The following CYP27C1 variants were observed in gnomAD, a reference collection of about 807,000 sequenced individuals.
CYP27C1 encodes cytochrome P450 family 27 subfamily C member 1, also known as cytochrome P450 27C1.
CYP27C1 carries 29 observed loss-of-function variants against 40.6 expected under a neutral mutation model. The ratio of observed to expected loss-of-function variants is 0.71; its 90% CI spans 0.53 to 0.97. The LOEUF is 0.97. Ranked by LOEUF, CYP27C1 falls within the 50% of genes least tolerant of loss-of-function variation. The probability of loss-of-function intolerance (pLI) is 0.00; values close to 1 mark genes in which losing one functional copy is unlikely to be tolerated. For missense variants in CYP27C1, 390 were observed against 485.8 expected (o/e 0.80, Z 1.85); for synonymous variants, 198 against 186.8 (o/e 1.06, Z -0.49).
intron 1 of CYP27C1, among the ~76,000 whole-genome samples, chr2:127,210,843 C>T (rs1683322405): frequency 6.6e-6 from 1 of 152,170 alleles, no homozygotes. Context: ...GCACCCAATA[C>T]AGAAGCACCC....
rs1336827282 is a variant in CYP27C1, at chr2:127,204,485, A to AAAGAAAGGAAGGAAGG, written c.474-915_474-914insCCTTCCTTCCTTTCTT. On this transcript the variant is annotated intron_variant, in intron 2 of 8. Coordinates refer to ENST00000664447, the MANE Select transcript of CYP27C1 (RefSeq NM_001367502.1). ...GAAAGAAAGAAAGAAAGAAAGAAAG[A>AAAGAAAGGAAGGAAGG]AAGGAAGGAAGGAAGGAAGGAAAGA... 4.3e-4 allele frequency among the ~76,000 whole-genome samples: 26 copies of AAAGAAAGGAAGGAAGG among 60,208 alleles called. 1 individual carries two copies. Among genetic ancestry groups the AAAGAAAGGAAGGAAGG allele is most frequent in the African/African-American group, 1.6e-3 (24 of 14,754 alleles). 39.5% of individuals were successfully genotyped at this position (60,208 alleles called of 152,430 possible).
intron 2 of CYP27C1, among the ~76,000 whole-genome samples, chr2:127,204,272 A>AAAAG: frequency 7.9e-6 from 1 of 127,386 alleles, no homozygotes; most frequent in Non-Finnish European, 1.6e-5. Flanking sequence ...TCTCAAAAAA[A>AAAAG]AAAGAAAGAA....
Position 127,195,318 on chromosome 2 carries a change from T to G in CYP27C1, c.1214+17A>C. 1 of 1,613,980 alleles carries G rather than the reference T, an allele frequency of 6.2e-7. No homozygotes were observed. The highest frequency in any genetic ancestry group is 1.7e-4 in the Middle Eastern group (1 of 6,020). The stretch of plus-strand genomic sequence containing the variant: ...TAAGGGACACAGTTTGTTGACGGAT[T>G]CTGGCGAGCCTTTTACCTCAGGGTT... On this transcript the variant is annotated intron_variant, in intron 6 of 8. Coordinates refer to ENST00000664447, the MANE Select transcript of CYP27C1 (RefSeq NM_001367502.1). The surrounding 1 kb of genome is among the most constrained non-coding windows in gnomAD (Gnocchi z 6.2).
rs1272583126 is a variant in CYP27C1, at chr2:127,186,683, G to A, written c.*588C>T. The A allele has an allele frequency of 2.0e-5, 3 of 152,298 alleles. No individual in the cohort carries two copies. Among genetic ancestry groups the A allele is most frequent in the Admixed American group, 6.5e-5 (1 of 15,282 alleles). 9.4% of individuals were successfully genotyped at this position (152,298 alleles called of 1,614,324 possible). Reference sequence around the variant, plus strand: ...CCCAAAGTGCTGGGATTACAGGCGTGAGCCACCGCACCCGGCCAGCCCTTT... The same window carrying A: ...CCCAAAGTGCTGGGATTACAGGCGTAAGCCACCGCACCCGGCCAGCCCTTT... On this transcript the variant is annotated 3_prime_UTR_variant, in exon 9 of 9. Coordinates refer to ENST00000664447, the MANE Select transcript of CYP27C1 (RefSeq NM_001367502.1). This position sits in a 1 kb window ranked among gnomAD's most constrained non-coding sequence, Gnocchi z 4.5.
intron 1 of CYP27C1, among the ~76,000 whole-genome samples, chr2:127,206,482 A>AT (rs1683232512): frequency 6.6e-6 from 1 of 151,796 alleles, no homozygotes; most frequent in Non-Finnish European, 1.5e-5. Context: ...CTAATTTTTT[A>AT]TTTTTTGTAG....
chr2:127,199,310 G>A (rs956825213), intron 5 of CYP27C1, 66 bp downstream of exon 5: 138 of 1,572,768 alleles, frequency 8.8e-5, no homozygotes, highest in Middle Eastern at 2.2e-4. Flanking sequence ...AGTAGACAAC[G>A]TCCATGAGGT....
rs559441312 is a variant in CYP27C1, at chr2:127,218,563, G to A, written c.282+1426C>T. Among the ~76,000 whole-genome samples, 55 of 152,134 alleles carry A rather than the reference G, an allele frequency of 3.6e-4. No homozygotes were observed. In the South Asian group the frequency reaches 0.011, roughly 29 times the overall value. ...AAAATTAAATTAAATTTTAATTCCC[G>A]GCCGAATTAAAATTGCTCCTCGCAC... On this transcript the variant is annotated intron_variant, in intron 1 of 8. Transcript: ENST00000664447. The surrounding 1 kb of genome is among the most constrained non-coding windows in gnomAD (Gnocchi z 6.0).
At position 127,193,153 on chromosome 2, in the gene CYP27C1, C is replaced by A; in HGVS notation, c.1438G>T (p.Val480Phe). The part of the protein sequence containing the change: ...NFGSIPFGHG[V>F]RSCIGRRIAE... ...ATTCTCCGCCCTATGCAGCTGCGAACCCCATGACCAAAGGGGATGGATCCA... is the reference window on the plus strand; with the variant it reads ...ATTCTCCGCCCTATGCAGCTGCGAAACCCATGACCAAAGGGGATGGATCCA... Residue 480 changes from valine (V) to phenylalanine (F), a missense_variant, in exon 8 of 9, where the codon GTT (valine) becomes TTT (phenylalanine). Transcript: ENST00000664447. 1.9e-6 allele frequency: 3 copies of A among 1,614,224 alleles called. No individual in the cohort carries two copies. Among genetic ancestry groups the A allele is most frequent in the Non-Finnish European group, 2.5e-6 (3 of 1,180,034 alleles).
chr2:127,200,130 C>T lies in CYP27C1; in HGVS notation c.884-591G>A, dbSNP rs1338632324. Among the ~76,000 whole-genome samples, 2 of 152,228 alleles carry T rather than the reference C, an allele frequency of 1.3e-5. No individual in the cohort carries two copies. Among genetic ancestry groups the T allele is most frequent in the African/African-American group, 4.8e-5 (2 of 41,454 alleles). ...AAGTAGCTGGAATTACAGGCACGCGCCACCACGCCCAGCTAATTTTTGTAT... is the reference window on the plus strand; with the variant it reads ...AAGTAGCTGGAATTACAGGCACGCGTCACCACGCCCAGCTAATTTTTGTAT... On this transcript the variant is annotated intron_variant, in intron 4 of 8. Coordinates refer to ENST00000664447, the MANE Select transcript of CYP27C1 (RefSeq NM_001367502.1). The surrounding 1 kb of genome is among the most constrained non-coding windows in gnomAD (Gnocchi z 4.2).
intron 8 of CYP27C1, among the ~76,000 whole-genome samples, chr2:127,190,902 CG>C (rs2104673631): frequency 7.2e-6 from 1 of 138,292 alleles, no homozygotes; most frequent in African/African-American, 2.8e-5. Context: ...CCCGAGATTG[CG>C]CCACTGCACT....
Position 127,186,968 on chromosome 2 carries a change from T to C in CYP27C1, c.*303A>G. 1 of 276,946 alleles carries C rather than the reference T, an allele frequency of 3.6e-6. No homozygotes were observed. 17.2% of individuals were successfully genotyped at this position (276,946 alleles called of 1,614,324 possible). A position where few individuals can be genotyped will look rare whatever the true frequency, so the allele number is the denominator to read the frequency against. On this transcript the variant is annotated 3_prime_UTR_variant, in exon 9 of 9. Transcript: ENST00000664447. The surrounding 1 kb of genome is among the most constrained non-coding windows in gnomAD (Gnocchi z 4.5). ...CTGTACAAGTAAATGCACAGGATAC[T>C]GCCAGTCATTAAATATTGAGTCTAG...
intron 2 of CYP27C1, 52 bp from the exon 3 acceptor site, chr2:127,203,623 G>T: frequency 1.3e-6 from 2 of 1,556,298 alleles, no homozygotes; most frequent in South Asian, 1.2e-5. Flanking sequence ...GACATTCTGG[G>T]AAAGAATTCA....
chr2:127,201,402 T>C lies in CYP27C1; in HGVS notation c.674-71A>G. ...CATACCAACAGGCAATGTTGGGCCA[T>C]AAATGCAACTTTCAAACGTGGTCCA... is the stretch of plus-strand genomic sequence containing the variant. On this transcript the variant is annotated intron_variant, in intron 3 of 8. Transcript: ENST00000664447. The surrounding 1 kb of genome is among the most constrained non-coding windows in gnomAD (Gnocchi z 6.0). 3 of 1,457,550 alleles carry C rather than the reference T, an allele frequency of 2.1e-6. No homozygotes were observed. Among genetic ancestry groups the C allele is most frequent in the Non-Finnish European group, 2.8e-6 (3 of 1,062,538 alleles). 90.3% of individuals were successfully genotyped at this position (1,457,550 alleles called of 1,614,324 possible).
In CYP27C1 at chr2:127,191,834, C is replaced by T. The variant is rs557476810; in HGVS notation, c.1497+1260G>A. On this transcript the variant is annotated intron_variant, in intron 8 of 8. Coordinates refer to ENST00000664447, the MANE Select transcript of CYP27C1 (RefSeq NM_001367502.1). ...CTCCCAGGGACAGGGGCAGCGGCCA[C>T]ATCCACACAAAGGTGGGATGGCCAC... 2.0e-5 allele frequency among the ~76,000 whole-genome samples: 3 copies of T among 152,356 alleles called. No individual in the cohort carries two copies. The South Asian group carries it at 6.2e-4, about 32-fold the overall frequency.
intron 2 of CYP27C1, among the ~76,000 whole-genome samples, chr2:127,205,424 G>T (rs1226500801): frequency 6.6e-6 from 1 of 152,210 alleles, no homozygotes; most frequent in Non-Finnish European, 1.5e-5. Context: ...AGGCACAGAG[G>T]TGTTGGTGAC....
rs1682581332 is a variant in CYP27C1 at position 127,184,782 on chromosome 2, ACTCT to A, written c.*2485_*2488del. The A allele has an allele frequency of 2.6e-5, 4 of 151,708 alleles. No individual in the cohort carries two copies. Among genetic ancestry groups the A allele is most frequent in the Admixed American group, 2.6e-4 (4 of 15,246 alleles). The allele number at this position is 151,708 out of a possible 1,614,324, so 9.4% of individuals were successfully genotyped here. On this transcript the variant is annotated 3_prime_UTR_variant, in exon 9 of 9. Coordinates refer to ENST00000664447, the MANE Select transcript of CYP27C1 (RefSeq NM_001367502.1). ...CCGAGACATTGGTCCTATAGACCTC[ACTCT>A]ATTCTGGATTTTGCTGACTGCATCC...
intron 2 of CYP27C1, among the ~76,000 whole-genome samples, chr2:127,204,039 T>C (rs922353167): frequency 6.6e-6 from 1 of 151,082 alleles, no homozygotes; most frequent in Non-Finnish European, 1.5e-5. Context: ...CCAAGATGGG[T>C]GGATCACCTG....
intron 5 of CYP27C1, 115 bp downstream of exon 5, chr2:127,199,261 T>C: frequency 7.3e-7 from 1 of 1,377,456 alleles, no homozygotes; most frequent in Non-Finnish European, 9.9e-7. Context: ...CACTCCAGCC[T>C]GGGCAATAGA....
chr2:127,207,775 G>T (rs1683258209), intron 1 of CYP27C1, among the ~76,000 whole-genome samples: 1 of 152,088 alleles, frequency 6.6e-6, no homozygotes, highest in Non-Finnish European at 1.5e-5. Context: ...ACAAAACATT[G>T]TTTAAAGAAA....
Sources: allele counts gnomAD v4.1 joint callset (sites outside exome capture counted in the v4.1 genomes callset), GRCh38; gene constraint gnomAD v4.1.1; non-coding constraint Gnocchi (gnomAD v3.1); transcripts MANE v1.5; gene names NCBI Gene and HGNC (gene_info 2026-07-23, HGNC 2026-07-21).